Variants in FMNL2 observed in about 807,000 individuals in gnomAD.
FMNL2 encodes the protein formin-like protein 2.
Under a neutral mutation model 130.2 loss-of-function variants are expected in FMNL2, and 51 were observed. The ratio of observed to expected loss-of-function variants is 0.39; its 90% CI spans 0.31 to 0.49. FMNL2 has a LOEUF of 0.49. Ranked by LOEUF, FMNL2 falls within the 20% of genes least tolerant of loss-of-function variation. FMNL2 has a pLI of 0.85. For synonymous variants in FMNL2, 465 were observed against 467.1 expected (o/e 1.00, Z 0.06); for missense variants, 977 against 1,316.2 (o/e 0.74, Z 3.99).
intron 1 of FMNL2, among the ~76,000 whole-genome samples, chr2:152,399,333 A>G (rs1685560426): frequency 6.6e-6 from 1 of 152,194 alleles, no homozygotes; most frequent in African/African-American, 2.4e-5. Context: ...GTTTGAAATG[A>G]TGGTTGAAAG....
chr2:152,475,343 G>C (rs1690088521), intron 1 of FMNL2, among the ~76,000 whole-genome samples: 1 of 152,210 alleles, frequency 6.6e-6, no homozygotes, highest in Admixed American at 6.5e-5. Flanking sequence ...TTGATATTTA[G>C]ATGTGAATAT....
At chr2:152,491,187 G>C (rs115988213) in intron 1 of FMNL2, among the ~76,000 whole-genome samples, 294 of 152,248 alleles carry the variant, frequency 1.9e-3, no homozygotes, top group African/African-American at 6.9e-3. Flanking sequence ...ATGAACATCT[G>C]GCAAAGAAAC....
chr2:152,631,585 C>T (rs1024603894), intron 20 of FMNL2, among the ~76,000 whole-genome samples: 9 of 151,838 alleles, frequency 5.9e-5, no homozygotes, highest in African/African-American at 2.2e-4. Context: ...ATGGCACGTG[C>T]GAGGTTTTAT....
chr2:152,579,863 G>A (rs1696684197), intron 8 of FMNL2, among the ~76,000 whole-genome samples: 1 of 152,182 alleles, frequency 6.6e-6, no homozygotes, highest in Admixed American at 6.5e-5. Flanking sequence ...TTCCATTTTG[G>A]TGAAGTATTC....
intron 1 of FMNL2, among the ~76,000 whole-genome samples, chr2:152,379,253 G>A (rs1684332098): frequency 6.6e-6 from 1 of 152,174 alleles, no homozygotes; most frequent in African/African-American, 2.4e-5. Context: ...GCTGGGATGT[G>A]GAAGCTAGGG....
At chr2:152,545,116 T>C (rs1240798437) in intron 3 of FMNL2, among the ~76,000 whole-genome samples, 1 of 152,134 alleles carries the variant, frequency 6.6e-6, no homozygotes, top group Non-Finnish European at 1.5e-5. Context: ...CACCCCTGCT[T>C]TAGTAAGATT....
At chr2:152,426,391 C>T (rs1280574904) in intron 1 of FMNL2, among the ~76,000 whole-genome samples, 1 of 152,206 alleles carries the variant, frequency 6.6e-6, no homozygotes, top group Non-Finnish European at 1.5e-5. Context: ...TTGTGGTTGC[C>T]ATAGCCCTTA....
At chr2:152,367,345 A>G (rs1439096144) in intron 1 of FMNL2, among the ~76,000 whole-genome samples, 2 of 152,028 alleles carry the variant, frequency 1.3e-5, no homozygotes, top group Non-Finnish European at 2.9e-5. Flanking sequence ...CAAAGTGCAC[A>G]TTTAGTAGGC....
chr2:152,629,358 G>A (rs1024330589), intron 18 of FMNL2, among the ~76,000 whole-genome samples: 2 of 152,072 alleles, frequency 1.3e-5, no homozygotes, highest in Non-Finnish European at 2.9e-5. Context: ...AAGCAGCTGT[G>A]GACTCTTAAC....
chr2:152,336,050 T>G (rs2003333), intron 1 of FMNL2, among the ~76,000 whole-genome samples: 72,894 of 149,290 alleles, frequency 0.49, 19,717 homozygotes, highest in Non-Finnish European at 0.62. Context: ...TGGCGCGGGC[T>G]GGGAGGAGGA....
At chr2:152,555,568 C>T (rs1388330364) in intron 4 of FMNL2, among the ~76,000 whole-genome samples, 1 of 147,814 alleles carries the variant, frequency 6.8e-6, no homozygotes, top group Non-Finnish European at 1.5e-5. Flanking sequence ...TAAGCTGTGA[C>T]CAGCCTACAA....
chr2:152,341,767 C>T (rs1319590794), intron 1 of FMNL2, among the ~76,000 whole-genome samples: 1 of 152,118 alleles, frequency 6.6e-6, no homozygotes, highest in Non-Finnish European at 1.5e-5. Flanking sequence ...TAGGGGTGTT[C>T]TGTGTGGTCT....
intron 21 of FMNL2, among the ~76,000 whole-genome samples, chr2:152,633,287 G>A (rs1682307474): frequency 6.6e-6 from 1 of 151,904 alleles, no homozygotes; most frequent in Non-Finnish European, 1.5e-5. Flanking sequence ...GTAGAGATGG[G>A]GTCTCCCTGT....
intron 23 of FMNL2, among the ~76,000 whole-genome samples, 195 bp from the exon 24 acceptor site, chr2:152,639,763 C>T (rs754781666): frequency 5.9e-4 from 89 of 152,044 alleles, no homozygotes; most frequent in Non-Finnish European, 5.3e-4. Flanking sequence ...ATCTCAGCTC[C>T]CAGCTTTTAA....
At chr2:152,374,368 T>G (rs1468580527) in intron 1 of FMNL2, among the ~76,000 whole-genome samples, 1 of 152,166 alleles carries the variant, frequency 6.6e-6, no homozygotes, top group African/African-American at 2.4e-5. Context: ...TTGTTACAAA[T>G]GTGTAGAAGA....
intron 8 of FMNL2, 48 bp downstream of exon 8, chr2:152,579,012 A>G (rs777447827): frequency 8.1e-6 from 12 of 1,486,960 alleles, no homozygotes; most frequent in Non-Finnish European, 1.1e-5. Context: ...TAGAGAAAAC[A>G]GAGGGCTAGT....
Position 152,619,658 on chromosome 2 carries a change from T to A in FMNL2, c.1777T>A (p.Ser593Thr). ...TCCTCCCTTAGCACCTCCCCTTCCC[T>A]CTGCACCTCCGCTGCCTGGAACATC... Reference protein sequence around the residue: ...PAPPLAPPLPSAPPLPGTSSP... With the variant: ...PAPPLAPPLPTAPPLPGTSSP... The change falls in exon 15 of 26, where the codon TCT (serine) becomes ACT (threonine). Residue 593 changes from serine (S) to threonine (T), a missense_variant. Ser to Thr is a moderately conservative substitution (Grantham distance 58). Coordinates refer to ENST00000288670, the MANE Select transcript of FMNL2 (RefSeq NM_052905.4). 6.3e-7 allele frequency: 1 copy of A among 1,580,844 alleles called. No individual in the cohort carries two copies. The highest frequency in any genetic ancestry group is 8.6e-7 in the Non-Finnish European group (1 of 1,160,344).
At chr2:152,365,765 T>C (rs1257387642) in intron 1 of FMNL2, among the ~76,000 whole-genome samples, 4 of 151,838 alleles carry the variant, frequency 2.6e-5, no homozygotes, top group Non-Finnish European at 5.9e-5. Context: ...AGAGCAAAAC[T>C]CTGTCTCAAA....
chr2:152,600,602 A>G (rs1697997844), intron 9 of FMNL2, among the ~76,000 whole-genome samples: 1 of 152,152 alleles, frequency 6.6e-6, no homozygotes, highest in Non-Finnish European at 1.5e-5. Flanking sequence ...AGCATCCCCT[A>G]ACCGCCGCCC....
Sources: allele counts gnomAD v4.1 joint callset (sites outside exome capture counted in the v4.1 genomes callset), GRCh38; gene constraint gnomAD v4.1.1; transcripts MANE v1.5; gene names NCBI Gene and HGNC (gene_info 2026-07-23, HGNC 2026-07-21).